RECQL5: variants seen among roughly 807,000 people sequenced by gnomAD.
RECQL5 encodes ATP-dependent DNA helicase Q5.
In RECQL5, 88 loss-of-function variants were observed where a neutral mutation model predicts 103.4. That is an observed-to-expected ratio of 0.85 (90% CI 0.72 to 1.02). The LOEUF is 1.02. Ranked by LOEUF, RECQL5 falls within the 50% of genes least tolerant of loss-of-function variation. RECQL5 has a pLI of 0.00. For synonymous variants in RECQL5, 552 were observed against 507.9 expected (o/e 1.09, Z -1.17); for missense variants, 1,232 against 1,284.3 (o/e 0.96, Z 0.62).
chr17:75,647,310 G>C (rs1424622647), intron 8 of RECQL5: 2 of 1,422,026 alleles, frequency 1.4e-6, no homozygotes, highest in African/African-American at 2.8e-5. Context: ...GCAGAGCATA[G>C]CACCTGGGAC....
intron 8 of RECQL5, among the ~76,000 whole-genome samples, chr17:75,648,527 C>T (rs750307819): frequency 3.9e-5 from 6 of 151,992 alleles, no homozygotes; most frequent in East Asian, 1.9e-4. Flanking sequence ...CTCCCACCAC[C>T]GTGACCGGCT....
intron 8 of RECQL5, chr17:75,650,898 C>T: frequency 9.7e-6 from 14 of 1,446,080 alleles, no homozygotes; most frequent in Non-Finnish European, 1.2e-5. Flanking sequence ...TGGTCACATC[C>T]CTTGGAACTG....
intron 7 of RECQL5, among the ~76,000 whole-genome samples, chr17:75,654,678 G>A (rs1356667018): frequency 2.0e-5 from 3 of 152,042 alleles, no homozygotes; most frequent in Non-Finnish European, 2.9e-5. Context: ...GGAGTGCAGT[G>A]GCATGATCAT....
chr17:75,645,926 C>A (rs929807387), intron 8 of RECQL5, among the ~76,000 whole-genome samples: 6 of 152,190 alleles, frequency 3.9e-5, no homozygotes, highest in Admixed American at 3.9e-4. Flanking sequence ...AGAAGGGAAG[C>A]CCTTGGAGGG....
chr17:75,656,197 C>T (rs578245564), intron 7 of RECQL5, among the ~76,000 whole-genome samples: 25 of 152,278 alleles, frequency 1.6e-4, no homozygotes, highest in Middle Eastern at 3.4e-3. Flanking sequence ...GCTTCAGCCT[C>T]TTCCAAGTAG....
At chr17:75,633,623 C>T in intron 8 of RECQL5, 1 of 1,203,574 alleles carries the variant, frequency 8.3e-7, no homozygotes, top group Non-Finnish European at 1.1e-6. Context: ...CACCAGCTCC[C>T]CACTGTTTAC....
intron 8 of RECQL5, chr17:75,647,412 T>A (rs1298838359): frequency 6.5e-7 from 1 of 1,549,886 alleles, no homozygotes; most frequent in Non-Finnish European, 8.7e-7. Flanking sequence ...CAATCTGGAA[T>A]GATGCGTTCT....
chr17:75,629,362 C>G lies in RECQL5; in HGVS notation c.2061G>C (p.Arg687=), dbSNP rs927344088. 9.3e-6 allele frequency: 14 copies of G among 1,512,936 alleles called. No individual in the cohort carries two copies. The highest frequency in any genetic ancestry group is 1.8e-6 in the Non-Finnish European group (2 of 1,131,214). The allele number at this position is 1,512,936 out of a possible 1,614,324, so 93.7% of individuals were successfully genotyped here. ...RIREQAPQPE[R]GGEHEPPSRP... ...GGCTCGGGGGCTCGTGCTCGCCTCC[C>G]CGCTCGGGCTGGGGGGCTTGCTCCC... is the stretch of plus-strand genomic sequence containing the variant. Residue 687 remains arginine (R), a synonymous_variant, in exon 16 of 20, where the codon CGG becomes CGC. Coordinates refer to ENST00000317905, the MANE Select transcript of RECQL5 (RefSeq NM_004259.7).
intron 8 of RECQL5, chr17:75,639,312 G>C (rs1457859187): frequency 2.6e-5 from 4 of 152,348 alleles, no homozygotes; most frequent in Non-Finnish European, 5.9e-5. Flanking sequence ...GGATCAGGCT[G>C]GGTTGGGACA....
intron 7 of RECQL5, among the ~76,000 whole-genome samples, chr17:75,654,396 C>T (rs182532882): frequency 6.6e-6 from 1 of 152,292 alleles, no homozygotes; most frequent in East Asian, 1.9e-4. Flanking sequence ...TGGGACACAG[C>T]TGTCTTTCCG....
intron 8 of RECQL5, among the ~76,000 whole-genome samples, chr17:75,632,362 AT>A (rs1314348139): frequency 2.6e-5 from 4 of 152,072 alleles, no homozygotes; most frequent in African/African-American, 7.3e-5. Flanking sequence ...GCCGCTTGAT[AT>A]TTTTTTCCTT....
chr17:75,665,993 A>C (rs1053430998), intron 2 of RECQL5, among the ~76,000 whole-genome samples: 5 of 152,228 alleles, frequency 3.3e-5, no homozygotes, highest in Admixed American at 3.3e-4. Context: ...TGACCGAGTT[A>C]AGTTATTCCT....
At chr17:75,651,404 T>G in intron 7 of RECQL5, 139 bp from the exon 8 acceptor site, 1 of 957,662 alleles carries the variant, frequency 1.0e-6, no homozygotes, top group Non-Finnish European at 1.6e-6. Flanking sequence ...GGAGGATCAT[T>G]TGAGGTCAGG....
chr17:75,650,975 T>C, intron 8 of RECQL5: 8 of 1,489,298 alleles, frequency 5.4e-6, no homozygotes, highest in Non-Finnish European at 7.1e-6. Context: ...CTCAGAATAC[T>C]GAGCAAATCC....
intron 8 of RECQL5, chr17:75,650,628 T>C (rs752473131): frequency 6.2e-7 from 1 of 1,612,936 alleles, no homozygotes; most frequent in East Asian, 2.2e-5. Flanking sequence ...TGGGTGTCTC[T>C]CCTGCAGGCA....
At chr17:75,628,131 C>A in intron 18 of RECQL5, 87 bp downstream of exon 18, 1 of 1,209,412 alleles carries the variant, frequency 8.3e-7, no homozygotes, top group South Asian at 1.3e-5. Context: ...CCACTGTGTT[C>A]TGGGGCTCAA....
At position 75,656,991 on chromosome 17, in the gene RECQL5, G is replaced by A. The variant is rs993698700; in HGVS notation, c.1149+1307C>T. On this transcript the variant is annotated intron_variant, in intron 7 of 19. Coordinates refer to ENST00000317905, the MANE Select transcript of RECQL5 (RefSeq NM_004259.7). The stretch of plus-strand genomic sequence containing the variant: ...GATCTCCTGACCTCGTGATCCACCC[G>A]CCTCGGCCTCCCAAAGTGCTGGGAT... Among the ~76,000 whole-genome samples the A allele has an allele frequency of 2.6e-5, 4 of 152,144 alleles. No homozygotes were observed. In the East Asian group the frequency reaches 5.8e-4, roughly 22 times the overall value.
At chr17:75,633,703 T>A in intron 8 of RECQL5, 15 of 1,130,750 alleles carry the variant, frequency 1.3e-5, no homozygotes, top group Non-Finnish European at 1.6e-5. Context: ...AGGGGTGGCC[T>A]TCCTGAGGGC....
At chr17:75,650,377 C>A in intron 8 of RECQL5, 1 of 1,182,660 alleles carries the variant, frequency 8.5e-7, no homozygotes, top group South Asian at 3.2e-5. Context: ...CTGATTTCCT[C>A]GCTTTTTTCT....
Sources: allele counts gnomAD v4.1 joint callset (sites outside exome capture counted in the v4.1 genomes callset), GRCh38; gene constraint gnomAD v4.1.1; transcripts MANE v1.5; gene names NCBI Gene and HGNC (gene_info 2026-07-23, HGNC 2026-07-21).